DNAH8: variants seen among roughly 807,000 people sequenced by gnomAD.
The protein encoded by DNAH8 is axonemal beta dynein heavy chain 8.
A neutral mutation model predicts 562.1 loss-of-function variants in DNAH8; 382 were observed. The observed-to-expected ratio is 0.68, with a 90% confidence interval of 0.63 to 0.74. The LOEUF is 0.74. Among genes scored for constraint, DNAH8 ranks in the 30% least tolerant of loss-of-function variants. The pLI, the probability that DNAH8 is intolerant of heterozygous loss-of-function variation, is 0.00. For missense variants in DNAH8, 5,203 were observed against 5,620.4 expected (o/e 0.93, Z 2.37); for synonymous variants, 1,881 against 1,919.4 (o/e 0.98, Z 0.52).
intron 11 of DNAH8, among the ~76,000 whole-genome samples, chr6:38,766,473 T>C (rs114873568): frequency 2.4e-4 from 37 of 152,300 alleles, no homozygotes; most frequent in African/African-American, 8.9e-4. Context: ...ATGATGACTA[T>C]AGTACACAAT....
Position 38,873,395 on chromosome 6 carries a change from C to G in DNAH8, c.7620+19C>G. 1 of 1,565,116 alleles carries G rather than the reference C, an allele frequency of 6.4e-7. No homozygotes were observed. The highest frequency in any genetic ancestry group is 8.6e-7 in the Non-Finnish European group (1 of 1,160,982). On this transcript the variant is annotated intron_variant, in intron 52 of 92. Coordinates refer to ENST00000327475, the MANE Select transcript of DNAH8 (RefSeq NM_001206927.2). Reference sequence around the variant, plus strand: ...TGTGCAAGTAAGATTTTTTTTTGTACATTTACTACTTCGATTTTGATTTTT... The same window carrying G: ...TGTGCAAGTAAGATTTTTTTTTGTAGATTTACTACTTCGATTTTGATTTTT...
At chr6:38,740,392 C>G (rs1014997678) in intron 7 of DNAH8, among the ~76,000 whole-genome samples, 2 of 152,048 alleles carry the variant, frequency 1.3e-5, no homozygotes, top group Non-Finnish European at 2.9e-5. Context: ...TTTTAAAATT[C>G]TCTCCAAAAA....
chr6:38,787,764 C>A (rs1349482918), intron 18 of DNAH8, among the ~76,000 whole-genome samples: 1 of 149,696 alleles, frequency 6.7e-6, no homozygotes, highest in Non-Finnish European at 1.5e-5. Context: ...ATTCAAAGGT[C>A]GAATCAAAGT....
At chr6:38,937,363 A>T (rs1458544960) in intron 77 of DNAH8, among the ~76,000 whole-genome samples, 1 of 152,322 alleles carries the variant, frequency 6.6e-6, no homozygotes, top group Middle Eastern at 3.4e-3. Flanking sequence ...ATAAAAAAAA[A>T]AATAATGAAA....
chr6:39,006,185 T>C (rs1765788459), intron 88 of DNAH8, among the ~76,000 whole-genome samples: 1 of 152,272 alleles, frequency 6.6e-6, no homozygotes, highest in Admixed American at 6.5e-5. Context: ...GTGAGACCTG[T>C]GTCATATTTA....
At chr6:38,889,007 C>T (rs771511882) in intron 57 of DNAH8, among the ~76,000 whole-genome samples, 10 of 152,188 alleles carry the variant, frequency 6.6e-5, no homozygotes, top group Admixed American at 3.9e-4. Context: ...ATAGTTTTGC[C>T]TTCCATATCT....
chr6:38,958,665 A>AG (rs1762421819), intron 82 of DNAH8, among the ~76,000 whole-genome samples: 1 of 150,606 alleles, frequency 6.6e-6, no homozygotes, highest in Non-Finnish European at 1.5e-5. Flanking sequence ...AAAAAAAAAA[A>AG]AAAAGCCCAG....
intron 21 of DNAH8, among the ~76,000 whole-genome samples, chr6:38,794,203 C>T (rs1056035082): frequency 1.3e-5 from 2 of 152,192 alleles, no homozygotes; most frequent in Admixed American, 1.3e-4. Flanking sequence ...TTCTCGTCCA[C>T]TCTTTCCCTG....
At chr6:38,779,903 G>A (rs1768415055) in intron 14 of DNAH8, 63 bp from the exon 15 acceptor site, 6 of 1,445,094 alleles carry the variant, frequency 4.2e-6, no homozygotes, top group Non-Finnish European at 5.8e-6. Flanking sequence ...TGGTTAGTAT[G>A]ACAGCAAGTC....
chr6:39,008,174 A>G (rs1388094019), intron 88 of DNAH8, among the ~76,000 whole-genome samples: 1 of 152,022 alleles, frequency 6.6e-6, no homozygotes, highest in Non-Finnish European at 1.5e-5. Flanking sequence ...TAGAGAACAG[A>G]ACTATGTCCT....
intron 26 of DNAH8, among the ~76,000 whole-genome samples, chr6:38,817,765 G>A (rs775296124): frequency 7.2e-5 from 11 of 152,160 alleles, no homozygotes; most frequent in Non-Finnish European, 1.5e-4. Context: ...TGGAAAATCA[G>A]AGGCAAGAAG....
Position 38,906,384 on chromosome 6 carries a change from A to G in DNAH8, c.9325A>G (p.Asn3109Asp), listed in dbSNP as rs1364832977. ...AGATGAGGCATTTCTAGAATACCTTAACAACTTGCTATCTTCAGGGGAGGT... is the reference window on the plus strand; with the variant it reads ...AGATGAGGCATTTCTAGAATACCTTGACAACTTGCTATCTTCAGGGGAGGT... ...IKDEAFLEYLNNLLSSGEISN... is the reference protein window; with the variant it reads ...IKDEAFLEYLDNLLSSGEISN... Residue 3109 changes from asparagine (N) to aspartate (D), a missense_variant, in exon 63 of 93, where the codon AAC becomes GAC. Physicochemically the swap from Asn to Asp is conservative, Grantham distance 23 (BLOSUM62 1). Transcript: ENST00000327475. 6.2e-7 allele frequency: 1 copy of G among 1,607,730 alleles called. No individual in the cohort carries two copies. The highest frequency in any genetic ancestry group is 8.5e-7 in the Non-Finnish European group (1 of 1,177,512).
At position 38,851,602 on chromosome 6, in the gene DNAH8, A is replaced by G; in HGVS notation, c.5394A>G (p.Pro1798=). 1.2e-6 allele frequency: 2 copies of G among 1,611,342 alleles called. No individual in the cohort carries two copies. The highest frequency in any genetic ancestry group is 2.2e-5 in the South Asian group (2 of 90,150). The part of the protein sequence containing the change: ...GYLEKKRLLF[P]RFFFVSDPVL... ...TGGAGAAGAAACGATTACTGTTTCCAAGATTCTTCTTTGTATCTGATCCAG... is the reference window on the plus strand; with the variant it reads ...TGGAGAAGAAACGATTACTGTTTCCGAGATTCTTCTTTGTATCTGATCCAG... Residue 1798 remains proline (P), a synonymous_variant, in exon 39 of 93, where the codon CCA becomes CCG. Transcript: ENST00000327475.
Position 38,737,070 on chromosome 6 carries a change from G to A in DNAH8, c.766G>A (p.Ala256Thr). 1 of 1,513,608 alleles carries A rather than the reference G, an allele frequency of 6.6e-7. No homozygotes were observed. The highest frequency in any genetic ancestry group is 8.8e-7 in the Non-Finnish European group (1 of 1,138,610). 93.8% of individuals were successfully genotyped at this position (1,513,608 alleles called of 1,614,324 possible). Residue 256 changes from alanine to threonine, a missense_variant, in exon 6 of 93, where the codon GCG becomes ACG. Physicochemically the swap from Ala to Thr is moderately conservative, Grantham distance 58. Around this residue, in one of 6 missense-constraint regions of DNAH8, gnomAD observed 556 missense variants for 496.9 expected, o/e 1.12. Coordinates refer to ENST00000327475, the MANE Select transcript of DNAH8 (RefSeq NM_001206927.2). ...CATTTAAACTCCACCCTTTCAGGAA[G>A]CGCTCTTTACTGTTCTGGATGCGTC... Reference protein sequence around the residue: ...AINVKTIQEEALFTVLDASKG... With the variant: ...AINVKTIQEETLFTVLDASKG...
intron 17 of DNAH8, among the ~76,000 whole-genome samples, chr6:38,785,703 A>C (rs1769095821): frequency 6.6e-6 from 1 of 151,442 alleles, no homozygotes; most frequent in African/African-American, 2.4e-5. Context: ...TCATTGTTCA[A>C]CTCCCACTTA....
intron 36 of DNAH8, 32 bp downstream of exon 36, chr6:38,845,805 T>C: frequency 6.5e-7 from 1 of 1,543,568 alleles, no homozygotes; most frequent in Non-Finnish European, 9.0e-7. Context: ...GAGATTTAAA[T>C]GGGATATTTA....
intron 85 of DNAH8, among the ~76,000 whole-genome samples, chr6:38,978,340 G>A (rs1270388510): frequency 6.6e-6 from 1 of 152,182 alleles, no homozygotes; most frequent in African/African-American, 2.4e-5. Flanking sequence ...ATTCGGAAAA[G>A]TGTTTGCTTC....
At chr6:38,927,030 T>C (rs1488571437) in intron 74 of DNAH8, among the ~76,000 whole-genome samples, 2 of 152,194 alleles carry the variant, frequency 1.3e-5, no homozygotes, top group East Asian at 3.8e-4. Flanking sequence ...ATGAACTCCT[T>C]TTTGGCCAAG....
rs1369100600 is a variant in DNAH8, at chr6:38,879,428, A to G, written c.7859-3482A>G. Among the ~76,000 whole-genome samples the G allele has an allele frequency of 6.6e-5, 10 of 152,342 alleles. No homozygotes were observed. In the East Asian group the frequency reaches 1.9e-3, roughly 29 times the overall value. On this transcript the variant is annotated intron_variant, in intron 53 of 92. Coordinates refer to ENST00000327475, the MANE Select transcript of DNAH8 (RefSeq NM_001206927.2). ...CTTTTATTCTAGAAATGGAAGATCA[A>G]CATTCAAAAACTGATCAATATAATC...
Sources: allele counts gnomAD v4.1 joint callset (sites outside exome capture counted in the v4.1 genomes callset), GRCh38; gene constraint gnomAD v4.1.1; regional missense constraint gnomAD v4.1.1; transcripts MANE v1.5; gene names NCBI Gene and HGNC (gene_info 2026-07-23, HGNC 2026-07-21).